TINAG: variants seen among roughly 807,000 people sequenced by gnomAD.
The protein encoded by TINAG is tubulointerstitial nephritis antigen.
Under a neutral mutation model 72.7 loss-of-function variants are expected in TINAG, and 83 were observed. That is an observed-to-expected ratio of 1.14 (90% confidence interval 0.96 to 1.37). TINAG has a LOEUF of 1.37. Ranked by LOEUF, TINAG falls within the 40% of genes most tolerant of loss-of-function variation. The pLI is 0.00. For missense variants in TINAG, 685 were observed against 576.6 expected, an observed-to-expected ratio of 1.19 and a Z score of -1.93; for synonymous variants, 234 against 189.9, an observed-to-expected ratio of 1.23 and a Z score of -1.91.
intron 9 of TINAG, among the ~76,000 whole-genome samples, chr6:54,368,288 AATT>A (rs1285601328): frequency 7.4e-5 from 11 of 147,774 alleles, no homozygotes; most frequent in African/African-American, 2.4e-4. Flanking sequence ...CATATTATAT[AATT>A]ATATGTTATA....
chr6:54,335,787 C>T (rs953295706), intron 4 of TINAG, among the ~76,000 whole-genome samples: 6 of 152,050 alleles, frequency 3.9e-5, no homozygotes, highest in African/African-American at 7.2e-5. Context: ...CTCCCCTCAC[C>T]GCCCTGCAAA....
intron 9 of TINAG, among the ~76,000 whole-genome samples, chr6:54,370,860 T>C (rs1451364201): frequency 6.6e-6 from 1 of 152,108 alleles, no homozygotes; most frequent in Non-Finnish European, 1.5e-5. Context: ...TTGTGTTCCA[T>C]TTGTTTTGTC....
chr6:54,360,402 TTATGG>T (rs1260985232), intron 9 of TINAG, among the ~76,000 whole-genome samples: 1 of 151,644 alleles, frequency 6.6e-6, no homozygotes, highest in Non-Finnish European at 1.5e-5. Context: ...ACTCCATCGA[TTATGG>T]TATGAATCCC....
chr6:54,308,973 CTT>C, intron 1 of TINAG, 68 bp downstream of exon 1: 1 of 1,261,634 alleles, frequency 7.9e-7, no homozygotes, highest in Non-Finnish European at 1.1e-6. Context: ...AACGTTCTCT[CTT>C]TTTCTTCTTT....
At chr6:54,326,210 ATTT>A (rs1784598564) in intron 3 of TINAG, among the ~76,000 whole-genome samples, 1 of 151,862 alleles carries the variant, frequency 6.6e-6, no homozygotes, top group African/African-American at 2.4e-5. Flanking sequence ...ACATCAACTG[ATTT>A]TTTATTATTA....
Position 54,384,001 on chromosome 6 carries a change from C to T in TINAG, c.1296+3430C>T, listed in dbSNP as rs149682310. Among the ~76,000 whole-genome samples, 1,010 of 152,210 alleles carry T rather than the reference C, an allele frequency of 6.6e-3. 28 individuals are homozygous for T. Among genetic ancestry groups the T allele is most frequent in the East Asian group, 0.042 (217 of 5,180 alleles). On this transcript the variant is annotated intron_variant, in intron 10 of 10. Transcript: ENST00000259782. ...GGATAAAGAAAATGTGGCACATATACACCATAGAATACTACGCATCAATAA... is the reference window on the plus strand; with the variant it reads ...GGATAAAGAAAATGTGGCACATATATACCATAGAATACTACGCATCAATAA...
intron 4 of TINAG, among the ~76,000 whole-genome samples, chr6:54,331,360 A>G (rs989758313): frequency 3.9e-5 from 6 of 152,232 alleles, no homozygotes; most frequent in African/African-American, 7.2e-5. Flanking sequence ...CAAAAACCAC[A>G]TGATTATCTC....
chr6:54,308,521 AAAGTGGAAGCTATACCTGAC>A lies in TINAG; in HGVS notation c.-29_-10del. ...AGGCTAAGGGTATTGGATATAACGG[AAAGTGGAAGCTATACCTGAC>A]TTCCAGAGAATGTGGACCGGATATA... On this transcript the variant is annotated 5_prime_UTR_variant, in exon 1 of 11. Transcript: ENST00000259782. The A allele has an allele frequency of 6.4e-7, 1 of 1,569,640 alleles. No individual in the cohort carries two copies. The highest frequency in any genetic ancestry group is 2.2e-5 in the East Asian group (1 of 44,660).
chr6:54,339,481 G>C (rs755787085), intron 4 of TINAG, among the ~76,000 whole-genome samples: 7 of 152,182 alleles, frequency 4.6e-5, no homozygotes. Context: ...CTTAAGGAAA[G>C]ATCTCAGAAG....
intron 2 of TINAG, 152 bp from the exon 3 acceptor site, chr6:54,321,145 T>C (rs1485272718): frequency 1.5e-6 from 1 of 681,282 alleles, no homozygotes; most frequent in African/African-American, 1.8e-5. Context: ...ACGTATGTTT[T>C]ACAATTTATT....
At chr6:54,368,394 T>C (rs1265019366) in intron 9 of TINAG, among the ~76,000 whole-genome samples, 1 of 148,828 alleles carries the variant, frequency 6.7e-6, no homozygotes, top group Non-Finnish European at 1.5e-5. Flanking sequence ...TATACATTAT[T>C]AAATTATTAT....
chr6:54,355,746 T>C (rs1763016965), intron 9 of TINAG, among the ~76,000 whole-genome samples: 2 of 151,256 alleles, frequency 1.3e-5, no homozygotes, highest in African/African-American at 4.9e-5. Flanking sequence ...TGTGTGTGTG[T>C]ATTTATAAAT....
intron 10 of TINAG, among the ~76,000 whole-genome samples, chr6:54,389,196 A>G (rs189215087): frequency 6.6e-6 from 1 of 152,114 alleles, no homozygotes; most frequent in African/African-American, 2.4e-5. Context: ...TTATGCTTTT[A>G]CTGTTTTCCT....
chr6:54,353,215 AT>A (rs1271870014), intron 8 of TINAG, among the ~76,000 whole-genome samples: 2 of 151,820 alleles, frequency 1.3e-5, no homozygotes, highest in African/African-American at 2.4e-5. Context: ...TAATGAATAC[AT>A]TTTATTTATG....
chr6:54,333,589 A>C (rs1450629936), intron 4 of TINAG, among the ~76,000 whole-genome samples: 1 of 152,230 alleles, frequency 6.6e-6, no homozygotes, highest in South Asian at 2.1e-4. Flanking sequence ...CACGTTCTAC[A>C]CATGTATCCC....
At chr6:54,382,766 G>T (rs1582764157) in intron 10 of TINAG, among the ~76,000 whole-genome samples, 1 of 152,088 alleles carries the variant, frequency 6.6e-6, no homozygotes, top group Non-Finnish European at 1.5e-5. Context: ...TACACAGGTA[G>T]CAGTGTATGT....
At chr6:54,371,307 C>T (rs1240927585) in intron 9 of TINAG, among the ~76,000 whole-genome samples, 1 of 152,004 alleles carries the variant, frequency 6.6e-6, no homozygotes, top group African/African-American at 2.4e-5. Flanking sequence ...GATCTCTCTA[C>T]ATCATGGTTT....
At chr6:54,312,142 G>A (rs1784273681) in intron 1 of TINAG, among the ~76,000 whole-genome samples, 2 of 151,554 alleles carry the variant, frequency 1.3e-5, no homozygotes, top group South Asian at 2.1e-4. Flanking sequence ...CTGCAGCCTC[G>A]ACCTTCCCCG....
Position 54,326,879 on chromosome 6 carries a change from C to A in TINAG, c.587C>A (p.Pro196Gln), listed in dbSNP as rs543009999. 3 of 1,612,460 alleles carry A rather than the reference C, an allele frequency of 1.9e-6. No individual in the cohort carries two copies. The South Asian group carries it at 3.3e-5, about 18-fold the overall frequency. ...TTTAAATTTCGCCTTGGCACTTTGCCACCTAGTCCCATGCTCCTGAGCATG... is the reference window on the plus strand; with the variant it reads ...TTTAAATTTCGCCTTGGCACTTTGCAACCTAGTCCCATGCTCCTGAGCATG... ...DGFKFRLGTL[P>Q]PSPMLLSMNE... Residue 196 changes from proline (P) to glutamine (Q), a missense_variant, in exon 4 of 11, where the codon CCA (proline) becomes CAA (glutamine). Transcript: ENST00000259782.
Sources: allele counts gnomAD v4.1 joint callset (sites outside exome capture counted in the v4.1 genomes callset), GRCh38; gene constraint gnomAD v4.1.1; transcripts MANE v1.5; gene names NCBI Gene and HGNC (gene_info 2026-07-23, HGNC 2026-07-21).